GRIA1: variants seen among roughly 807,000 people sequenced by gnomAD.
GRIA1 encodes glutamate receptor 1.
A neutral mutation model predicts 99.2 loss-of-function variants in GRIA1; 31 were observed. The ratio of observed to expected loss-of-function variants is 0.31; its 90% CI spans 0.23 to 0.42. The LOEUF (loss-of-function observed/expected upper bound fraction) is 0.42. Among genes scored for constraint, GRIA1 ranks in the 10% least tolerant of loss-of-function variants. The pLI, the probability that GRIA1 is intolerant of heterozygous loss-of-function variation, is 1.00. For missense variants in GRIA1, 782 were observed against 1,157.5 expected (o/e 0.68, Z 4.71); for synonymous variants, 438 against 432.4 (o/e 1.01, Z -0.16).
At chr5:153,798,188 T>C (rs1403916031) in intron 14 of GRIA1, among the ~76,000 whole-genome samples, 4 of 152,228 alleles carry the variant, frequency 2.6e-5, no homozygotes, top group African/African-American at 9.6e-5. Flanking sequence ...AGCTCTCCTT[T>C]GGTTGAACCA....
intron 2 of GRIA1, among the ~76,000 whole-genome samples, chr5:153,607,523 C>T (rs1765562226): frequency 6.6e-6 from 1 of 151,792 alleles, no homozygotes; most frequent in Non-Finnish European, 1.5e-5. Context: ...ATTTTCTTGG[C>T]TTGTTTCAGA....
chr5:153,631,976 G>C (rs193225886), intron 2 of GRIA1, among the ~76,000 whole-genome samples: 20 of 152,194 alleles, frequency 1.3e-4, no homozygotes, highest in Non-Finnish European at 2.8e-4. Context: ...GAAATGATAA[G>C]GTTTTTCAGG....
intron 14 of GRIA1, among the ~76,000 whole-genome samples, chr5:153,795,109 A>T (rs1201679671): frequency 6.6e-6 from 1 of 152,122 alleles, no homozygotes; most frequent in Non-Finnish European, 1.5e-5. Flanking sequence ...GATCCTAGGC[A>T]TGGAAGCAGA....
At chr5:153,602,564 A>G (rs1765077804) in intron 2 of GRIA1, among the ~76,000 whole-genome samples, 1 of 151,164 alleles carries the variant, frequency 6.6e-6, no homozygotes, top group Non-Finnish European at 1.5e-5. Context: ...AATAAGAAAA[A>G]GACACTATAT....
At chr5:153,736,173 G>A (rs1008096812) in intron 11 of GRIA1, among the ~76,000 whole-genome samples, 13 of 152,172 alleles carry the variant, frequency 8.5e-5, no homozygotes, top group Non-Finnish European at 1.5e-4. Flanking sequence ...AGCCAGTGAG[G>A]TTACAAAAAC....
chr5:153,536,504 T>A (rs1482080089), intron 2 of GRIA1, among the ~76,000 whole-genome samples: 1 of 152,160 alleles, frequency 6.6e-6, no homozygotes, highest in Admixed American at 6.6e-5. Context: ...TCTCTCTTCT[T>A]CCTCTTGCCT....
At chr5:153,658,961 G>GCCAAAACAAA (rs1332947605) in intron 5 of GRIA1, among the ~76,000 whole-genome samples, 1 of 124,222 alleles carries the variant, frequency 8.1e-6, no homozygotes, top group African/African-American at 2.8e-5. Flanking sequence ...TAGGCAAGGA[G>GCCAAAACAAA]TCAAAACAAA....
intron 13 of GRIA1, among the ~76,000 whole-genome samples, chr5:153,788,606 A>G (rs555888996): frequency 1.7e-4 from 26 of 152,180 alleles, no homozygotes; most frequent in African/African-American, 5.5e-4. Context: ...TTTCCTGACC[A>G]CCTCTGACAT....
chr5:153,664,299 T>C (rs1202935140), intron 5 of GRIA1, among the ~76,000 whole-genome samples: 3 of 152,180 alleles, frequency 2.0e-5, no homozygotes, highest in African/African-American at 7.2e-5. Flanking sequence ...AATCCTTATG[T>C]TGCAGCAAAG....
intron 2 of GRIA1, among the ~76,000 whole-genome samples, chr5:153,518,721 C>T (rs1756854135): frequency 6.6e-6 from 1 of 151,998 alleles, no homozygotes; most frequent in Admixed American, 6.6e-5. Flanking sequence ...CATATAATTG[C>T]CACAATAAAC....
chr5:153,721,642 T>C (rs1263714552), intron 11 of GRIA1, among the ~76,000 whole-genome samples: 2 of 152,212 alleles, frequency 1.3e-5, no homozygotes, highest in African/African-American at 4.8e-5. Context: ...TGTCTGGCTC[T>C]TTTTGCCCAA....
chr5:153,705,172 A>G (rs1446001337), intron 10 of GRIA1, among the ~76,000 whole-genome samples: 2 of 152,196 alleles, frequency 1.3e-5, no homozygotes, highest in Non-Finnish European at 2.9e-5. Context: ...ATTATGACAT[A>G]AGGGGTCATC....
At chr5:153,532,097 C>T (rs1275674214) in intron 2 of GRIA1, among the ~76,000 whole-genome samples, 6 of 152,124 alleles carry the variant, frequency 3.9e-5, no homozygotes. Context: ...CTTTTACAGC[C>T]TTTACAGCCC....
At chr5:153,700,636 A>G (rs186596729) in intron 10 of GRIA1, among the ~76,000 whole-genome samples, 38 of 152,280 alleles carry the variant, frequency 2.5e-4, no homozygotes, top group African/African-American at 9.1e-4. Context: ...ACAAAAGGCA[A>G]TGGAAGAAGC....
At chr5:153,540,201 C>G (rs753770962) in intron 2 of GRIA1, among the ~76,000 whole-genome samples, 11 of 152,172 alleles carry the variant, frequency 7.2e-5, no homozygotes, top group South Asian at 4.1e-4. Context: ...GCAGGGCCAG[C>G]CAGATCGGGC....
At chr5:153,717,387 C>T (rs536173754) in intron 11 of GRIA1, among the ~76,000 whole-genome samples, 1 of 151,982 alleles carries the variant, frequency 6.6e-6, no homozygotes, top group African/African-American at 2.4e-5. Context: ...CGTGAGCAAG[C>T]GCACTAAGGT....
In GRIA1 at chr5:153,811,152, T is replaced by TC. The variant is rs34295816; in HGVS notation, c.2652dup (p.Lys885GlnfsTer53). The TC allele has an allele frequency of 1.2e-6, 2 of 1,613,892 alleles. No homozygotes were observed. Among genetic ancestry groups the TC allele is most frequent in the Non-Finnish European group, 1.7e-6 (2 of 1,179,966 alleles). On this transcript the variant is annotated frameshift_variant, in exon 16 of 16. Transcript: ENST00000285900. LOFTEE classifies it high-confidence loss of function. Reference sequence around the variant, plus strand: ...AATGGTCGGGTGGTCAGCCATGACTTCCCCAAGTCCATGCAATCGATTCCT... The same window carrying TC: ...AATGGTCGGGTGGTCAGCCATGACTTCCCCCAAGTCCATGCAATCGATTCCT...
chr5:153,674,392 T>A, intron 5 of GRIA1, 108 bp from the exon 6 acceptor site: 2 of 1,186,764 alleles, frequency 1.7e-6, no homozygotes, highest in South Asian at 2.8e-5. Flanking sequence ...CTCCATTGAG[T>A]AGGTTTCATC....
chr5:153,491,025 T>C, intron 1 of GRIA1, 55 bp downstream of exon 1: 2 of 1,520,906 alleles, frequency 1.3e-6, no homozygotes, highest in East Asian at 2.3e-5. Flanking sequence ...AGGGATTTTT[T>C]TGGGGATAGG....
Sources: allele counts gnomAD v4.1 joint callset (sites outside exome capture counted in the v4.1 genomes callset), GRCh38; gene constraint gnomAD v4.1.1; transcripts MANE v1.5; gene names NCBI Gene and HGNC (gene_info 2026-07-23, HGNC 2026-07-21).